Variants in GRIP1 observed in about 807,000 individuals in gnomAD.
GRIP1 encodes glutamate receptor-interacting protein 1.
Under a neutral mutation model 129.9 loss-of-function variants are expected in GRIP1, and 45 were observed. That is an observed-to-expected ratio of 0.35 (90% confidence interval 0.27 to 0.44). GRIP1 has a LOEUF of 0.44. Among genes scored for constraint, GRIP1 ranks in the 20% least tolerant of loss-of-function variants. GRIP1 has a pLI of 1.00. For synonymous variants in GRIP1, 530 were observed against 520.8 expected, an observed-to-expected ratio of 1.02 and a Z score of -0.24; for missense variants, 1,196 against 1,396.8, an observed-to-expected ratio of 0.86 and a Z score of 2.29.
At chr12:66,737,440 T>C (rs2036642498) in intron 1 of GRIP1, among the ~76,000 whole-genome samples, 1 of 152,080 alleles carries the variant, frequency 6.6e-6, no homozygotes, top group Admixed American at 6.6e-5. Context: ...TGTGCCACCA[T>C]ACCCAGATAA....
intron 1 of GRIP1, among the ~76,000 whole-genome samples, chr12:66,965,958 C>T (rs987053481): frequency 2.6e-5 from 4 of 152,146 alleles, no homozygotes; most frequent in Non-Finnish European, 4.4e-5. Context: ...ACTGTGATGA[C>T]AAAATGAGGA....
chr12:66,435,494 C>A (rs2058277298), intron 13 of GRIP1, among the ~76,000 whole-genome samples: 1 of 152,186 alleles, frequency 6.6e-6, no homozygotes, highest in South Asian at 2.1e-4. Flanking sequence ...GGAGCCACTG[C>A]ACCTGTCCTA....
chr12:66,843,585 A>C (rs1371867738), intron 1 of GRIP1, among the ~76,000 whole-genome samples: 2 of 152,142 alleles, frequency 1.3e-5, no homozygotes, highest in African/African-American at 4.8e-5. Context: ...AGTAATCAAA[A>C]CAGTGCTAGC....
chr12:66,515,446 A>T (rs556129064), intron 7 of GRIP1, among the ~76,000 whole-genome samples, 173 bp downstream of exon 7: 1 of 152,178 alleles, frequency 6.6e-6, no homozygotes, highest in Non-Finnish European at 1.5e-5. Context: ...ATCACTGTAA[A>T]GTACAGCCAC....
intron 1 of GRIP1, among the ~76,000 whole-genome samples, chr12:67,034,228 A>G (rs930937305): frequency 4.6e-5 from 7 of 152,200 alleles, no homozygotes; most frequent in African/African-American, 1.7e-4. Context: ...TAAAGGAAAA[A>G]TTCCCTTTAC....
chr12:66,616,734 A>G (rs1400266406), intron 1 of GRIP1, among the ~76,000 whole-genome samples: 1 of 152,102 alleles, frequency 6.6e-6, no homozygotes, highest in Non-Finnish European at 1.5e-5. Flanking sequence ...TTTAAAGCCA[A>G]CCTAAGCAAA....
chr12:67,006,526 A>G (rs12320228), intron 1 of GRIP1, among the ~76,000 whole-genome samples: 2,655 of 152,268 alleles, frequency 0.017, 81 homozygotes, highest in African/African-American at 0.06. Flanking sequence ...AGTCAAGGCT[A>G]CAGTGAGCTG....
intron 1 of GRIP1, among the ~76,000 whole-genome samples, chr12:66,857,140 G>T (rs1052578524): frequency 6.6e-6 from 1 of 150,668 alleles, no homozygotes; most frequent in Non-Finnish European, 1.5e-5. Flanking sequence ...ACCAAACACC[G>T]CATGTTCTCA....
At chr12:66,873,576 G>C (rs919329948) in intron 1 of GRIP1, among the ~76,000 whole-genome samples, 4 of 151,910 alleles carry the variant, frequency 2.6e-5, no homozygotes, top group African/African-American at 9.7e-5. Context: ...TATATAATTT[G>C]ACTATGGAAT....
chr12:66,466,381 T>G (rs924598450), intron 7 of GRIP1, among the ~76,000 whole-genome samples: 2 of 152,194 alleles, frequency 1.3e-5, no homozygotes, highest in African/African-American at 2.4e-5. Flanking sequence ...ATCAGAGGTA[T>G]GCCACTAATA....
intron 1 of GRIP1, among the ~76,000 whole-genome samples, chr12:66,905,912 G>C (rs1050081632): frequency 6.6e-6 from 1 of 151,854 alleles, no homozygotes; most frequent in Non-Finnish European, 1.5e-5. Flanking sequence ...ATATCTTTAA[G>C]ACATTTTAAA....
At position 66,723,189 on chromosome 12, in the gene GRIP1, G is replaced by A. The variant is rs150728744; in HGVS notation, c.-420+80864C>T. The stretch of plus-strand genomic sequence containing the variant: ...TACACATGGGAATCTTCCACCTAGG[G>A]TTTTTCATCTTCTTTTCTTTCTTTC... On this transcript the variant is annotated intron_variant, in intron 1 of 4. Coordinates refer to the GRIP1 transcript ENST00000538373. Among the ~76,000 whole-genome samples the A allele has an allele frequency of 2.4e-3, 348 of 146,218 alleles. 1 individual carries two copies. The highest frequency in any genetic ancestry group is 4.0e-3 in the Non-Finnish European group (266 of 66,694).
At chr12:66,791,203 T>C (rs576547778) in intron 1 of GRIP1, among the ~76,000 whole-genome samples, 6 of 152,256 alleles carry the variant, frequency 3.9e-5, no homozygotes, top group African/African-American at 1.4e-4. Context: ...AAGTACGTGC[T>C]GCATAGTGGA....
intron 7 of GRIP1, among the ~76,000 whole-genome samples, chr12:66,482,552 C>T (rs75345404): frequency 0.025 from 3,742 of 152,202 alleles, 151 homozygotes; most frequent in African/African-American, 0.086. Flanking sequence ...AAATGTTTCC[C>T]CACAACAACA....
At chr12:66,724,337 T>C (rs1324290675) in intron 1 of GRIP1, among the ~76,000 whole-genome samples, 1 of 152,188 alleles carries the variant, frequency 6.6e-6, no homozygotes, top group Non-Finnish European at 1.5e-5. Flanking sequence ...CTAGTGTGAC[T>C]TCTTGGTTAA....
In GRIP1 at chr12:66,474,602, G is replaced by T. The variant is rs139811347; in HGVS notation, c.725-9180C>A. Reference sequence around the variant, plus strand: ...AGAAAGGTCGGGTTACCCACAAAGGGAAGCCCATCAGATTAACAGCTGATC... The same window carrying T: ...AGAAAGGTCGGGTTACCCACAAAGGTAAGCCCATCAGATTAACAGCTGATC... On this transcript the variant is annotated intron_variant, in intron 7 of 24. Transcript: ENST00000359742. Among the ~76,000 whole-genome samples the T allele has an allele frequency of 9.6e-3, 1,463 of 152,274 alleles. 27 individuals are homozygous for T. Among genetic ancestry groups the T allele is most frequent in the African/African-American group, 0.032 (1,348 of 41,552 alleles).
intron 1 of GRIP1, among the ~76,000 whole-genome samples, chr12:67,011,611 A>AT (rs576675687): frequency 0.015 from 2,067 of 140,532 alleles, 24 homozygotes; most frequent in Non-Finnish European, 0.018. Flanking sequence ...CATATCCTCT[A>AT]TTTTTTTTTT....
At chr12:66,353,378 A>G (rs754744004) in intron 24 of GRIP1, 39 bp downstream of exon 24, 2 of 1,486,734 alleles carry the variant, frequency 1.3e-6, no homozygotes, top group Non-Finnish European at 1.9e-6. Context: ...CCAGTGAGAA[A>G]TTACTTGCAA....
chr12:67,006,285 C>T (rs1179212385), intron 1 of GRIP1, among the ~76,000 whole-genome samples: 4 of 152,120 alleles, frequency 2.6e-5, no homozygotes, highest in Admixed American at 1.3e-4. Context: ...AAAAGCCAGG[C>T]GAGGCATGGT....
Sources: gnomAD v4.1 joint callset for allele counts (sites outside exome capture counted in the v4.1 genomes callset) on GRCh38, gnomAD v4.1.1 for gene constraint, MANE v1.5 for transcripts, NCBI Gene and HGNC (gene_info 2026-07-23, HGNC 2026-07-21) for gene names.